The following CNTNAP5 variants were observed in gnomAD, a reference collection of about 807,000 sequenced individuals.
CNTNAP5 encodes contactin associated protein family member 5.
Under a neutral mutation model 150.2 loss-of-function variants are expected in CNTNAP5, and 72 were observed. That is an observed-to-expected ratio of 0.48 (90% CI 0.40 to 0.58). The LOEUF is 0.58. CNTNAP5 is among the 20% of genes least tolerant of loss of function. The pLI is 0.00. For missense variants in CNTNAP5, 1,636 were observed against 1,626.2 expected (o/e 1.01, Z -0.10); for synonymous variants, 672 against 619.8 (o/e 1.08, Z -1.25).
chr2:124,419,968 C>CTT, intron 4 of CNTNAP5, among the ~76,000 whole-genome samples: 1 of 35,564 alleles, frequency 2.8e-5, no homozygotes, highest in African/African-American at 9.2e-5. Context: ...TTTTCTCTCT[C>CTT]TCTCTTTCTT....
chr2:124,542,045 T>C (rs972353574), intron 10 of CNTNAP5, among the ~76,000 whole-genome samples: 7 of 151,954 alleles, frequency 4.6e-5, no homozygotes, highest in Non-Finnish European at 7.4e-5. Context: ...TTGCCTCATA[T>C]ATCTCTCCCA....
intron 1 of CNTNAP5, among the ~76,000 whole-genome samples, chr2:124,075,029 T>C (rs1388988906): frequency 2.0e-5 from 3 of 152,150 alleles, no homozygotes; most frequent in Non-Finnish European, 2.9e-5. Context: ...TGCAGTTTTC[T>C]GTGACTTTTA....
chr2:124,654,906 G>A (rs1361430123), intron 13 of CNTNAP5, among the ~76,000 whole-genome samples: 3 of 151,616 alleles, frequency 2.0e-5, no homozygotes, highest in African/African-American at 7.3e-5. Context: ...AAAATATCAG[G>A]GTAGTATTTG....
At chr2:124,549,486 C>A (rs549092876) in intron 10 of CNTNAP5, among the ~76,000 whole-genome samples, 1 of 152,126 alleles carries the variant, frequency 6.6e-6, no homozygotes, top group African/African-American at 2.4e-5. Flanking sequence ...TAATTCTAGA[C>A]CTGGTCTATG....
At chr2:124,077,773 C>A (rs1400404767) in intron 1 of CNTNAP5, among the ~76,000 whole-genome samples, 1 of 152,162 alleles carries the variant, frequency 6.6e-6, no homozygotes, top group Non-Finnish European at 1.5e-5. Flanking sequence ...TAGGTAGAAT[C>A]AGGCAAGATT....
intron 3 of CNTNAP5, among the ~76,000 whole-genome samples, chr2:124,304,927 T>G (rs1383831156): frequency 6.6e-6 from 1 of 150,926 alleles, no homozygotes; most frequent in Admixed American, 6.6e-5. Flanking sequence ...GGTAATTGAG[T>G]TATGGTAGAT....
rs1469936079 is a variant in CNTNAP5 at position 124,359,055 on chromosome 2, T to G, written c.382-58388T>G. Among the ~76,000 whole-genome samples the G allele has an allele frequency of 9.9e-4, 150 of 151,598 alleles. 4 individuals are homozygous for G. In the East Asian group the frequency reaches 0.022, roughly 22 times the overall value. On this transcript the variant is annotated intron_variant, in intron 3 of 23. Transcript: ENST00000682447. ...TGGGAGAGTGTATGTGTCCAGGAAT[T>G]TATCCATTTCTTCTAGATTTTCTAG...
At chr2:124,202,009 A>G (rs1007281062) in intron 1 of CNTNAP5, among the ~76,000 whole-genome samples, 1 of 152,134 alleles carries the variant, frequency 6.6e-6, no homozygotes, top group Admixed American at 6.6e-5. Flanking sequence ...TCATATACAT[A>G]TTATATGTAT....
At chr2:124,443,750 G>A (rs1009042377) in intron 5 of CNTNAP5, among the ~76,000 whole-genome samples, 1 of 151,488 alleles carries the variant, frequency 6.6e-6, no homozygotes, top group African/African-American at 2.4e-5. Context: ...CTTAGTAGTT[G>A]ATTAAAGGCC....
At chr2:124,367,293 A>G (rs1690400711) in intron 3 of CNTNAP5, among the ~76,000 whole-genome samples, 1 of 152,188 alleles carries the variant, frequency 6.6e-6, no homozygotes. Context: ...AATAAAGGAA[A>G]GACGTTTAAT....
intron 1 of CNTNAP5, among the ~76,000 whole-genome samples, chr2:124,082,348 CAAAAAAA>C (rs56285830): frequency 4.1e-5 from 3 of 73,568 alleles, no homozygotes; most frequent in Non-Finnish European, 5.1e-5. Flanking sequence ...GACTCTCTCT[CAAAAAAA>C]AAAAAAAAAA....
At chr2:124,740,324 T>C (rs116185880) in intron 13 of CNTNAP5, among the ~76,000 whole-genome samples, 2,520 of 152,220 alleles carry the variant, frequency 0.017, 29 homozygotes, top group Non-Finnish European at 0.025. Context: ...AGTTTTTAAC[T>C]GAATGCATGG....
intron 3 of CNTNAP5, among the ~76,000 whole-genome samples, chr2:124,256,420 G>A (rs757493331): frequency 2.0e-5 from 3 of 152,020 alleles, no homozygotes; most frequent in Non-Finnish European, 2.9e-5. Flanking sequence ...GTTTAAGCAT[G>A]AGGAAAGGCC....
intron 13 of CNTNAP5, among the ~76,000 whole-genome samples, chr2:124,649,736 A>G (rs539584636): frequency 6.6e-6 from 1 of 152,244 alleles, no homozygotes; most frequent in Admixed American, 6.5e-5. Flanking sequence ...CACCACCTGA[A>G]AAGTTTGCAT....
At chr2:124,182,791 G>A (rs1358875241) in intron 1 of CNTNAP5, among the ~76,000 whole-genome samples, 1 of 152,152 alleles carries the variant, frequency 6.6e-6, no homozygotes, top group Non-Finnish European at 1.5e-5. Context: ...TCTTCTGCCT[G>A]TGTCTTTAGT....
chr2:124,100,359 C>T lies in CNTNAP5; in HGVS notation c.82+74627C>T, dbSNP rs138321417. ...ACTACAATTCAACATGGCATTTGGG[C>T]GAGGACAAATATACAAACTATATCA... On this transcript the variant is annotated intron_variant, in intron 1 of 23. Coordinates refer to ENST00000682447, the MANE Select transcript of CNTNAP5 (RefSeq NM_001367498.1). Among the ~76,000 whole-genome samples the T allele has an allele frequency of 3.8e-3, 579 of 152,150 alleles. 3 individuals carry two copies. The highest frequency in any genetic ancestry group is 0.013 in the African/African-American group (558 of 41,510).
At chr2:124,089,185 G>A (rs1322026894) in intron 1 of CNTNAP5, among the ~76,000 whole-genome samples, 2 of 151,938 alleles carry the variant, frequency 1.3e-5, no homozygotes, top group Non-Finnish European at 2.9e-5. Context: ...ATTTTTATTA[G>A]AATGTCCAGG....
In CNTNAP5 at chr2:124,819,274, A is replaced by G. The variant is rs191230795; in HGVS notation, c.3217+20954A>G. ...TAGGATGGAGTTTAGCACAGAGTAG[A>G]TATTCACTACAGTATTCAGTTGACT... On this transcript the variant is annotated intron_variant, in intron 19 of 23. Coordinates refer to ENST00000682447, the MANE Select transcript of CNTNAP5 (RefSeq NM_001367498.1). Among the ~76,000 whole-genome samples, 4 of 152,236 alleles carry G rather than the reference A, an allele frequency of 2.6e-5. No homozygotes were observed. The East Asian group carries it at 7.7e-4, about 29-fold the overall frequency.
At chr2:124,121,601 G>A (rs779968750) in intron 1 of CNTNAP5, among the ~76,000 whole-genome samples, 3 of 152,170 alleles carry the variant, frequency 2.0e-5, no homozygotes, top group African/African-American at 2.4e-5. Flanking sequence ...AGCAAATGTC[G>A]CTGTGGTCAA....
Sources: gnomAD v4.1 joint callset for allele counts (sites outside exome capture counted in the v4.1 genomes callset) on GRCh38, gnomAD v4.1.1 for gene constraint, MANE v1.5 for transcripts, NCBI Gene and HGNC (gene_info 2026-07-23, HGNC 2026-07-21) for gene names.